SPART: variants seen among roughly 807,000 people sequenced by gnomAD.
The protein encoded by SPART is spastic paraplegia 20 (Troyer syndrome).
SPART carries 35 observed loss-of-function variants against 58.7 expected under a neutral mutation model. The ratio of observed to expected loss-of-function variants is 0.60; its 90% CI spans 0.46 to 0.79. SPART has a LOEUF of 0.79. SPART is among the 30% of genes least tolerant of loss of function. SPART has a pLI of 0.00. For synonymous variants in SPART, 284 were observed against 280.7 expected (o/e 1.01, Z -0.12); for missense variants, 730 against 786.1 (o/e 0.93, Z 0.85).
At chr13:36,353,162 T>C (rs1011242671) in intron 1 of SPART, among the ~76,000 whole-genome samples, 2 of 152,238 alleles carry the variant, frequency 1.3e-5, no homozygotes, top group Non-Finnish European at 2.9e-5. Flanking sequence ...TATTTTGCTT[T>C]GTCTAGAAAT....
chr13:36,338,027 G>A (rs376573923), intron 1 of SPART, among the ~76,000 whole-genome samples: 2 of 152,144 alleles, frequency 1.3e-5, no homozygotes, highest in Non-Finnish European at 2.9e-5. Flanking sequence ...CAAAGCATGT[G>A]ACAAGTGTTT....
intron 1 of SPART, among the ~76,000 whole-genome samples, chr13:36,337,493 T>C (rs1469037297): frequency 6.6e-6 from 1 of 152,214 alleles, no homozygotes; most frequent in Admixed American, 6.5e-5. Flanking sequence ...CAACATCTGA[T>C]GGTTTTATAA....
At chr13:36,367,399 C>G (rs1376183505) in intron 1 of SPART, among the ~76,000 whole-genome samples, 1 of 152,092 alleles carries the variant, frequency 6.6e-6, no homozygotes, top group Non-Finnish European at 1.5e-5. Context: ...GAATGACATG[C>G]CTAGTCAAAC....
intron 1 of SPART, chr13:36,336,311 G>T: frequency 6.4e-6 from 1 of 157,298 alleles, no homozygotes; most frequent in Non-Finnish European, 1.4e-5. Flanking sequence ...AAGGTGGCAG[G>T]TTACCCCACA....
At chr13:36,358,586 G>C (rs1885714304) in intron 1 of SPART, among the ~76,000 whole-genome samples, 1 of 152,166 alleles carries the variant, frequency 6.6e-6, no homozygotes, top group Non-Finnish European at 1.5e-5. Context: ...AAAAGAGTCA[G>C]TTCTGCAATC....
At chr13:36,365,840 G>A (rs1182639030) in intron 1 of SPART, 2 of 230,750 alleles carry the variant, frequency 8.7e-6, no homozygotes, top group Non-Finnish European at 1.9e-5. Context: ...CCAGCATGTT[G>A]GAGGTAAGAG....
chr13:36,324,224 T>C (rs1333942735), intron 5 of SPART, among the ~76,000 whole-genome samples: 1 of 152,224 alleles, frequency 6.6e-6, no homozygotes, highest in Non-Finnish European at 1.5e-5. Context: ...TAACAACAAA[T>C]TTCCAAATGA....
At chr13:36,307,284 A>G (rs376989507) in intron 8 of SPART, among the ~76,000 whole-genome samples, 16 of 152,258 alleles carry the variant, frequency 1.1e-4, no homozygotes, top group African/African-American at 3.6e-4. Context: ...ATTCAAAACT[A>G]CAATTGAACC....
intron 1 of SPART, chr13:36,360,644 C>G (rs139822767): frequency 1.3e-5 from 2 of 152,748 alleles, no homozygotes; most frequent in African/African-American, 4.8e-5. Flanking sequence ...TTTACTCTCT[C>G]TGTTTTTAGA....
intron 1 of SPART, among the ~76,000 whole-genome samples, chr13:36,362,794 T>A (rs1467258058): frequency 1.8e-4 from 1 of 5,458 alleles, no homozygotes; most frequent in Non-Finnish European, 2.9e-4. Context: ...GGAGGATACT[T>A]TTTTTTTTTT....
chr13:36,319,899 C>T (rs916290026), intron 5 of SPART, among the ~76,000 whole-genome samples: 33 of 151,920 alleles, frequency 2.2e-4, no homozygotes, highest in Admixed American at 8.5e-4. Flanking sequence ...TAAAAACACA[C>T]GTGCTCTCCC....
rs1323426378 is a variant in SPART, at chr13:36,304,034, C to T, written c.*331G>A. ...AGTTTCCTATTTGCCTTCTGAAAGA[C>T]AGCAGATATAAAAATAGTTCAATAT... On this transcript the variant is annotated 3_prime_UTR_variant, in exon 9 of 9. Coordinates refer to ENST00000438666, the MANE Select transcript of SPART (RefSeq NM_015087.5). The T allele has an allele frequency of 3.5e-6, 1 of 281,984 alleles. No homozygotes were observed. Among genetic ancestry groups the T allele is most frequent in the African/African-American group, 2.2e-5 (1 of 44,870 alleles). The allele number at this position is 281,984 out of a possible 1,614,324, so 17.5% of individuals were successfully genotyped here.
At chr13:36,362,701 T>C (rs1885912238) in intron 1 of SPART, among the ~76,000 whole-genome samples, 1 of 152,126 alleles carries the variant, frequency 6.6e-6, no homozygotes, top group South Asian at 2.1e-4. Context: ...CCTCAGGGCT[T>C]GCTTGGTGCC....
At chr13:36,366,559 AC>A (rs1566152240) in intron 1 of SPART, among the ~76,000 whole-genome samples, 1 of 152,192 alleles carries the variant, frequency 6.6e-6, no homozygotes, top group Non-Finnish European at 1.5e-5. Context: ...CATTTCTGAT[AC>A]TCAACTCACT....
chr13:36,317,998 CTCGTCCCAAA>C (rs1881920743), intron 5 of SPART, among the ~76,000 whole-genome samples: 1 of 152,156 alleles, frequency 6.6e-6, no homozygotes, highest in South Asian at 2.1e-4. Flanking sequence ...CCCAGTGCAA[CTCGTCCCAAA>C]TCTTCCTTCT....
At chr13:36,321,429 A>T (rs1460512410) in intron 5 of SPART, among the ~76,000 whole-genome samples, 1 of 152,098 alleles carries the variant, frequency 6.6e-6, no homozygotes, top group Non-Finnish European at 1.5e-5. Context: ...TAGACCTTTT[A>T]TACCTGTTTT....
Position 36,312,348 on chromosome 13 carries a change from G to A in SPART, c.1613C>T (p.Ala538Val). Reference protein sequence around the residue: ...DKDGKSPLDGAMVVAASSVQG... With the variant: ...DKDGKSPLDGVMVVAASSVQG... ...AACACTACTTGCTGCTACAACCATA[G>A]CACCATCCAGAGGAGATTTCCCATC... Residue 538 changes from alanine (A) to valine (V), a missense_variant, in exon 7 of 9, where the codon GCT becomes GTT. Transcript: ENST00000438666. 5.0e-6 allele frequency: 8 copies of A among 1,614,054 alleles called. 1 individual carries two copies. Among genetic ancestry groups the A allele is most frequent in the South Asian group, 2.2e-5 (2 of 91,082 alleles).
At chr13:36,341,565 G>T (rs1650185388) in intron 1 of SPART, among the ~76,000 whole-genome samples, 1 of 152,004 alleles carries the variant, frequency 6.6e-6, no homozygotes, top group African/African-American at 2.4e-5. Context: ...CATTAGATGT[G>T]GCAATTCTTT....
intron 1 of SPART, among the ~76,000 whole-genome samples, chr13:36,360,025 G>A (rs1263684109): frequency 1.3e-5 from 2 of 151,766 alleles, no homozygotes; most frequent in Non-Finnish European, 2.9e-5. Flanking sequence ...GCTGGGCGCG[G>A]TGGCTCATGC....
Sources: allele counts gnomAD v4.1 joint callset (sites outside exome capture counted in the v4.1 genomes callset), GRCh38; gene constraint gnomAD v4.1.1; transcripts MANE v1.5; gene names NCBI Gene and HGNC (gene_info 2026-07-23, HGNC 2026-07-21).